The following ACSM3 variants were observed in gnomAD, a reference collection of about 807,000 sequenced individuals.
The protein encoded by ACSM3 is acyl-CoA synthetase medium chain family member 3.
A neutral mutation model predicts 74.1 loss-of-function variants in ACSM3; 61 were observed. That is an observed-to-expected ratio of 0.82 (90% CI 0.67 to 1.02). The LOEUF (loss-of-function observed/expected upper bound fraction) is 1.02. Ranked by LOEUF, ACSM3 falls within the 50% of genes least tolerant of loss-of-function variation. ACSM3 has a pLI of 0.00. For synonymous variants in ACSM3, 213 were observed against 241.5 expected, an observed-to-expected ratio of 0.88 and a Z score of 1.09; for missense variants, 660 against 697.0, an observed-to-expected ratio of 0.95 and a Z score of 0.60.
In ACSM3 at chr16:20,738,023, A is replaced by G. The variant is rs930150218; in HGVS notation, c.-189-11887A>G. 23 of 1,414,396 alleles carry G rather than the reference A, an allele frequency of 1.6e-5. No homozygotes were observed. The African/African-American group carries it at 3.3e-4, about 20-fold the overall frequency. The allele number at this position is 1,414,396 out of a possible 1,614,324, so 87.6% of individuals were successfully genotyped here. Reference sequence around the variant, plus strand: ...TCTTAAAGATCGAACTCTAAAATGAATTTTCACTGGCAATGACATAAGTTG... The same window carrying G: ...TCTTAAAGATCGAACTCTAAAATGAGTTTTCACTGGCAATGACATAAGTTG... On this transcript the variant is annotated intron_variant, in intron 1 of 3. Transcript: ENST00000561584.
chr16:20,685,203 G>A (rs1201048659), intron 1 of ACSM3: 1 of 1,614,028 alleles, frequency 6.2e-7, no homozygotes, highest in African/African-American at 1.3e-5. Flanking sequence ...CTGTTCGCAT[G>A]CAGCCCACAG....
At chr16:20,730,732 T>G (rs1192247845) in intron 1 of ACSM3, among the ~76,000 whole-genome samples, 1 of 152,234 alleles carries the variant, frequency 6.6e-6, no homozygotes, top group African/African-American at 2.4e-5. Flanking sequence ...ATATAAATTA[T>G]GCTTACTAAC....
At chr16:20,691,232 C>CT in intron 1 of ACSM3, 1 of 1,465,870 alleles carries the variant, frequency 6.8e-7, no homozygotes, top group Non-Finnish European at 9.1e-7. Context: ...TCTCAAGTCA[C>CT]CACCTGCCTT....
chr16:20,695,545 T>C (rs1039637122), intron 1 of ACSM3, among the ~76,000 whole-genome samples: 2 of 141,246 alleles, frequency 1.4e-5, no homozygotes, highest in Non-Finnish European at 3.1e-5. Context: ...GCTTTTTCAC[T>C]GATTATCTGT....
chr16:20,675,233 C>T (rs993850187), intron 1 of ACSM3, among the ~76,000 whole-genome samples: 3 of 151,986 alleles, frequency 2.0e-5, no homozygotes, highest in Non-Finnish European at 4.4e-5. Context: ...TTGTTTTGTC[C>T]GATGAGGAGT....
chr16:20,720,842 G>C (rs912150607), intron 1 of ACSM3, among the ~76,000 whole-genome samples: 3 of 152,098 alleles, frequency 2.0e-5, no homozygotes, highest in African/African-American at 7.2e-5. Context: ...AAAACAATTA[G>C]AATCCATGGA....
intron 1 of ACSM3, among the ~76,000 whole-genome samples, chr16:20,714,901 G>A (rs1164668856): frequency 1.3e-5 from 2 of 152,270 alleles, no homozygotes; most frequent in South Asian, 2.1e-4. Context: ...GGTATTCAAG[G>A]AAAGGAAGAC....
chr16:20,790,665 T>C lies in ACSM3; in HGVS notation c.1303T>C (p.Phe435Leu). 2 of 1,614,112 alleles carry C rather than the reference T, an allele frequency of 1.2e-6. No homozygotes were observed. The highest frequency in any genetic ancestry group is 1.7e-6 in the Non-Finnish European group (2 of 1,179,972). Residue 435 changes from phenylalanine to leucine, a missense_variant, in exon 10 of 14, where the codon TTT (phenylalanine) becomes CTT (leucine). By Grantham distance (22) the Phe-to-Leu change is conservative. Transcript: ENST00000289416. This position sits in a 1 kb window ranked among gnomAD's most constrained non-coding sequence, Gnocchi z 4.0. ...IGIQVLPNRPFGLFTHYVDNP... is the reference protein window; with the variant it reads ...IGIQVLPNRPLGLFTHYVDNP... ...CATTCAAGTTCTACCCAACCGACCATTTGGCCTTTTTACTCATTACGTAGT... is the reference window on the plus strand; with the variant it reads ...CATTCAAGTTCTACCCAACCGACCACTTGGCCTTTTTACTCATTACGTAGT...
intron 1 of ACSM3, among the ~76,000 whole-genome samples, chr16:20,748,491 C>T (rs1596497275): frequency 6.6e-6 from 1 of 152,156 alleles, no homozygotes; most frequent in East Asian, 1.9e-4. Context: ...ATGAGAATAG[C>T]CACAGCATCT....
intron 10 of ACSM3, 87 bp from the exon 11 acceptor site, chr16:20,791,915 G>A: frequency 1.3e-6 from 2 of 1,499,106 alleles, no homozygotes; most frequent in Non-Finnish European, 1.8e-6. Flanking sequence ...GTAACAGAGT[G>A]AGACTGTCTC....
chr16:20,675,233 C>G (rs993850187), intron 1 of ACSM3, among the ~76,000 whole-genome samples: 1 of 151,986 alleles, frequency 6.6e-6, no homozygotes, highest in Non-Finnish European at 1.5e-5. Context: ...TTGTTTTGTC[C>G]GATGAGGAGT....
intron 12 of ACSM3, among the ~76,000 whole-genome samples, chr16:20,793,013 T>C (rs1262565670): frequency 6.6e-6 from 1 of 152,216 alleles, no homozygotes; most frequent in African/African-American, 2.4e-5. Flanking sequence ...CTTCTAACAC[T>C]GAATCCAAGT....
At chr16:20,695,522 T>C (rs1299029918) in intron 1 of ACSM3, among the ~76,000 whole-genome samples, 1 of 152,164 alleles carries the variant, frequency 6.6e-6, no homozygotes, top group East Asian at 1.9e-4. Flanking sequence ...ACCATAGGAC[T>C]GGTATATGTC....
Position 20,676,984 on chromosome 16 carries a change from A to G in ACSM3, c.-190+2162A>G, listed in dbSNP as rs889357051. On this transcript the variant is annotated intron_variant, in intron 1 of 3. Transcript: ENST00000561584. ...GAAAAAAGCTCAAATCTGCTCTAAA[A>G]GTCTCCAGTATTTAAGCCTTTATAT... Among the ~76,000 whole-genome samples, 9 of 152,146 alleles carry G rather than the reference A, an allele frequency of 5.9e-5. No homozygotes were observed. The East Asian group carries it at 7.7e-4, about 13-fold the overall frequency.
intron 1 of ACSM3, among the ~76,000 whole-genome samples, chr16:20,767,349 C>T (rs2152452515): frequency 1.6e-5 from 1 of 62,400 alleles, no homozygotes; most frequent in East Asian, 2.9e-4. Context: ...AACCCCGTCT[C>T]TACTAAAAAT....
intron 1 of ACSM3, among the ~76,000 whole-genome samples, chr16:20,691,751 A>G (rs374473346): frequency 3.7e-5 from 5 of 134,106 alleles, no homozygotes; most frequent in Middle Eastern, 3.8e-3. Flanking sequence ...TACCTCTCCA[A>G]TGTGTGTGTG....
rs564268671 is a variant in ACSM3, at chr16:20,716,834, G to A, written c.-189-33076G>A. On this transcript the variant is annotated intron_variant, in intron 1 of 3. Transcript: ENST00000561584. ...CATTCCTTTGACTCCGCCGGACTTC[G>A]TAGCCCCCACGGCCTGGTATTGGGT... Among the ~76,000 whole-genome samples, 11 of 152,202 alleles carry A rather than the reference G, an allele frequency of 7.2e-5. No individual in the cohort carries two copies. In the South Asian group the frequency reaches 2.1e-3, roughly 29 times the overall value.
rs1567368935 is a variant in ACSM3, at chr16:20,797,168, A to C, written c.*196A>C. The stretch of plus-strand genomic sequence containing the variant: ...TGGCAAATTCCTCCACATTAGTGTC[A>C]ATGTTCCTATCATTTCTTAATATAA... On this transcript the variant is annotated 3_prime_UTR_variant, in exon 14 of 14. Transcript: ENST00000289416. 1 of 1,321,560 alleles carries C rather than the reference A, an allele frequency of 7.6e-7. No homozygotes were observed. The highest frequency in any genetic ancestry group is 9.6e-7 in the Non-Finnish European group (1 of 1,037,694). The allele number at this position is 1,321,560 out of a possible 1,614,324, so 81.9% of individuals were successfully genotyped here. A position where few individuals can be genotyped will look rare whatever the true frequency, so the allele number is the denominator to read the frequency against.
intron 1 of ACSM3, among the ~76,000 whole-genome samples, chr16:20,699,699 C>T (rs557759873): frequency 1.3e-5 from 2 of 152,254 alleles, no homozygotes; most frequent in South Asian, 2.1e-4. Context: ...GTAGTTCTCC[C>T]CTGTGGAACT....
Sources: gnomAD v4.1 joint callset for allele counts (sites outside exome capture counted in the v4.1 genomes callset) on GRCh38, gnomAD v4.1.1 for gene constraint, Gnocchi (gnomAD v3.1) non-coding constraint, MANE v1.5 for transcripts, NCBI Gene and HGNC (gene_info 2026-07-23, HGNC 2026-07-21) for gene names.